The following EML2 variants were observed in gnomAD, a reference collection of about 807,000 sequenced individuals.
EML2 encodes EMAP like 2, also known as echinoderm microtubule-associated protein-like 2.
EML2 carries 59 observed loss-of-function variants against 84.7 expected under a neutral mutation model. The ratio of observed to expected loss-of-function variants is 0.70; its 90% confidence interval spans 0.56 to 0.86. The LOEUF (loss-of-function observed/expected upper bound fraction) is 0.86, where lower values mean the gene tolerates loss of function less well. Ranked by LOEUF, EML2 falls within the 40% of genes least tolerant of loss-of-function variation. The pLI, the probability that EML2 is intolerant of heterozygous loss-of-function variation, is 0.00. For missense variants in EML2, 818 were observed against 855.6 expected (o/e 0.96, Z 0.55); for synonymous variants, 352 against 348.9 (o/e 1.01, Z -0.10).
chr19:45,642,933 C>A (rs1974698723), upstream of EML2: 1 of 150,406 alleles, frequency 6.6e-6, no homozygotes, highest in Admixed American at 6.6e-5. Context: ...TTGCCGTGAG[C>A]CAAGATCGCG....
chr19:45,639,000 A>C (rs1180952579), intron 1 of EML2, 127 bp from the exon 2 acceptor site: 3 of 1,108,882 alleles, frequency 2.7e-6, no homozygotes. Flanking sequence ...TAAGGGGCAG[A>C]GCGCTGCCTC....
chr19:45,620,052 C>T (rs1429356863), intron 11 of EML2, among the ~76,000 whole-genome samples: 2 of 151,844 alleles, frequency 1.3e-5, no homozygotes, highest in African/African-American at 2.4e-5. Flanking sequence ...AAATAAAATG[C>T]TAAACATGAG....
rs1568474708 is a variant in EML2, at chr19:45,632,858, TAC to T, written c.510+1_510+2del. ...GCGGGGTTAGGGTGGGCGAAGGACT[TAC>T]AGATTTGGAGAAGCCCACACAGCAC... On this transcript the variant is annotated splice_donor_variant, in intron 6 of 18. Coordinates refer to ENST00000245925, the MANE Select transcript of EML2 (RefSeq NM_012155.4). LOFTEE classifies it high-confidence loss of function. The T allele has an allele frequency of 6.2e-7, 1 of 1,613,494 alleles. No individual in the cohort carries two copies. Among genetic ancestry groups the T allele is most frequent in the Non-Finnish European group, 8.5e-7 (1 of 1,179,576 alleles).
chr19:45,645,453 C>CA (rs1974967118), upstream of EML2: 15 of 1,415,928 alleles, frequency 1.1e-5, no homozygotes, highest in African/African-American at 1.5e-5. Flanking sequence ...ATCCCCAGCT[C>CA]AGCTCGCCTG....
At chr19:45,616,634 C>T (rs1600091050) in intron 14 of EML2, 76 bp from the exon 15 acceptor site, 1 of 1,404,614 alleles carries the variant, frequency 7.1e-7, no homozygotes, top group Non-Finnish European at 1.0e-6. Context: ...GCCCCCTCAA[C>T]AGTCCCCAGC....
intron 18 of EML2, 31 bp from the exon 19 acceptor site, chr19:45,609,819 T>C: frequency 6.2e-7 from 1 of 1,608,894 alleles, no homozygotes; most frequent in South Asian, 1.1e-5. Flanking sequence ...AGTGAAGAAA[T>C]GTCAGTGGGG....
chr19:45,630,031 G>C lies in EML2; in HGVS notation c.526C>G (p.Leu176Val). 1 of 1,612,526 alleles carries C rather than the reference G, an allele frequency of 6.2e-7. No homozygotes were observed. The highest frequency in any genetic ancestry group is 1.3e-5 in the African/African-American group (1 of 74,840). Residue 176 changes from leucine to valine, a missense_variant, in exon 7 of 19, where the codon CTG (leucine) becomes GTG (valine). Coordinates refer to ENST00000245925, the MANE Select transcript of EML2 (RefSeq NM_012155.4). ...TCATTGGATTCATCCACTGCACACA[G>C]CAGGTTGCCTCCATTCTAAAGAGGA... ...GFSKSNGGNL[L>V]CAVDESNDHM...
At chr19:45,613,770 C>T (rs1970738023) in intron 17 of EML2, 99 bp from the exon 18 acceptor site, 1 of 1,450,132 alleles carries the variant, frequency 6.9e-7, no homozygotes, top group South Asian at 1.3e-5. Context: ...TTGTTCCGAC[C>T]TAGCCTGTAT....
At chr19:45,625,817 C>T (rs1972245864) in intron 8 of EML2, among the ~76,000 whole-genome samples, 1 of 152,234 alleles carries the variant, frequency 6.6e-6, no homozygotes, top group Non-Finnish European at 1.5e-5. Flanking sequence ...GCCAGGCAGC[C>T]TCTGAGTTCT....
chr19:45,616,436 G>A (rs781730329), intron 15 of EML2, 25 bp downstream of exon 15: 13 of 1,552,592 alleles, frequency 8.4e-6, no homozygotes, highest in South Asian at 7.0e-5. Flanking sequence ...GTGGCGGCGC[G>A]GGCTGGGGGC....
chr19:45,613,600 C>T lies in EML2; in HGVS notation c.1765G>A (p.Ala589Thr). The change falls in exon 18 of 19, where the codon GCT becomes ACT. Residue 589 changes from alanine to threonine, a missense_variant. Coordinates refer to ENST00000245925, the MANE Select transcript of EML2 (RefSeq NM_012155.4). ...ACTTTGCCAAAGTCATCAGCTGAAG[C>T]CAGCAACTTCCCATCATGAGAGCGG... ...VARSHDGKLLASADDFGKVHL... is the reference protein window; with the variant it reads ...VARSHDGKLLTSADDFGKVHL... 6.2e-7 allele frequency: 1 copy of T among 1,614,098 alleles called. No individual in the cohort carries two copies. The highest frequency in any genetic ancestry group is 8.5e-7 in the Non-Finnish European group (1 of 1,180,010).
chr19:45,621,383 T>C (rs1356077266), intron 10 of EML2, 51 bp from the exon 11 acceptor site: 2 of 1,574,540 alleles, frequency 1.3e-6, no homozygotes, highest in Non-Finnish European at 1.7e-6. Flanking sequence ...CGGGTGGGTG[T>C]GGGGTGACAT....
In EML2 at chr19:45,624,785, T is replaced by C. The variant is rs1164606883; in HGVS notation, c.775A>G (p.Thr259Ala). ...HEKPKYVLCV[T>A]FLEGGDVVTG... ...ACCACGTCGCCACCTTCCAAAAAGG[T>C]CACACACAGCACATACTTCGGTTTC... Residue 259 changes from threonine to alanine, a missense_variant, in exon 9 of 19, where the codon ACC (threonine) becomes GCC (alanine). By Grantham distance (58) the Thr-to-Ala change is moderately conservative (BLOSUM62 0). Coordinates refer to ENST00000245925, the MANE Select transcript of EML2 (RefSeq NM_012155.4). 2.5e-6 allele frequency: 4 copies of C among 1,613,636 alleles called. No homozygotes were observed. In the South Asian group the frequency reaches 4.4e-5, roughly 18 times the overall value.
chr19:45,619,428 T>G, intron 11 of EML2: 1 of 348,162 alleles, frequency 2.9e-6, no homozygotes, highest in Non-Finnish European at 5.3e-6. Context: ...CTTTCTTCTT[T>G]GCACAATGGG....
intron 16 of EML2, among the ~76,000 whole-genome samples, chr19:45,615,525 TAATA>T (rs546563537): frequency 0.064 from 9,178 of 143,790 alleles, 625 homozygotes; most frequent in African/African-American, 0.16. Context: ...CTCAAAATAA[TAATA>T]ATAATAATAA....
chr19:45,623,986 A>G (rs1972016464), intron 9 of EML2, among the ~76,000 whole-genome samples: 2 of 152,214 alleles, frequency 1.3e-5, no homozygotes. Context: ...TCCCAGCCTC[A>G]ACCCATTAGT....
At chr19:45,618,995 G>T (rs1971395807) in intron 12 of EML2, 65 bp downstream of exon 12, 9 of 1,489,986 alleles carry the variant, frequency 6.0e-6, no homozygotes, top group Non-Finnish European at 8.1e-6. Context: ...AATGTGCTGA[G>T]CCCTGACACA....
At position 45,618,238 on chromosome 19, in the gene EML2, T is replaced by G. The variant is rs193059033; in HGVS notation, c.1255-541A>C. 6.8e-4 allele frequency among the ~76,000 whole-genome samples: 102 copies of G among 149,322 alleles called. 1 individual carries two copies. The highest frequency in any genetic ancestry group is 2.1e-3 in the African/African-American group (84 of 40,848). On this transcript the variant is annotated intron_variant, in intron 12 of 18. Transcript: ENST00000245925. ...ACCACCACGCCCGGCTAATTTTTGT[T>G]TTTTTTTTTTCATTTTTTGTAAAGA...
chr19:45,626,218 C>T (rs1972300340), intron 8 of EML2, among the ~76,000 whole-genome samples: 2 of 151,048 alleles, frequency 1.3e-5, no homozygotes, highest in South Asian at 4.2e-4. Context: ...CACCATGTTC[C>T]CCAGGCTGGT....
Sources: allele counts gnomAD v4.1 joint callset (sites outside exome capture counted in the v4.1 genomes callset), GRCh38; gene constraint gnomAD v4.1.1; transcripts MANE v1.5; gene names NCBI Gene and HGNC (gene_info 2026-07-23, HGNC 2026-07-21).